Variants in MALRD1 observed in about 807,000 individuals in gnomAD.
MALRD1 encodes MAM and LDL receptor class A domain containing 1.
In MALRD1, 247 loss-of-function variants were observed where a neutral mutation model predicts 242.1. The ratio of observed to expected loss-of-function variants is 1.02; its 90% CI spans 0.92 to 1.13. The LOEUF (loss-of-function observed/expected upper bound fraction) is 1.13, where lower values mean the gene tolerates loss of function less well. MALRD1 is among the 50% of genes most tolerant of loss of function. The probability of loss-of-function intolerance (pLI) is 0.00; values close to 1 mark genes in which losing one functional copy is unlikely to be tolerated. For missense variants in MALRD1, 2,989 were observed against 2,533.1 expected (o/e 1.18, Z -3.86); for synonymous variants, 995 against 866.6 (o/e 1.15, Z -2.60).
chr10:19,508,686 T>C (rs1230760669), intron 31 of MALRD1, among the ~76,000 whole-genome samples: 1 of 152,182 alleles, frequency 6.6e-6, no homozygotes, highest in Non-Finnish European at 1.5e-5. Flanking sequence ...TATGTTGAAA[T>C]TATAACATTT....
chr10:19,380,399 A>G (rs1304539316), intron 26 of MALRD1, among the ~76,000 whole-genome samples: 1 of 151,034 alleles, frequency 6.6e-6, no homozygotes, highest in Non-Finnish European at 1.5e-5. Context: ...TCCAACACCT[A>G]TTGGCCCTAA....
chr10:19,163,137 TA>T lies in MALRD1; in HGVS notation c.1657-2472del, dbSNP rs58034381. Among the ~76,000 whole-genome samples, 332 of 43,790 alleles carry T rather than the reference TA, an allele frequency of 7.6e-3. 3 individuals are homozygous for T. The highest frequency in any genetic ancestry group is 0.019 in the African/African-American group (233 of 12,072). 28.7% of individuals were successfully genotyped at this position (43,790 alleles called of 152,430 possible). ...TGAACAACTGGAGTGAAACCCTGTC[TA>T]AAAAAAAAAAAAAAAAAAAAAAAAA... is the stretch of plus-strand genomic sequence containing the variant. On this transcript the variant is annotated intron_variant, in intron 12 of 39. Coordinates refer to ENST00000454679, the MANE Select transcript of MALRD1 (RefSeq NM_001142308.3).
chr10:19,346,307 C>G (rs114184316), intron 24 of MALRD1, among the ~76,000 whole-genome samples: 3,332 of 152,190 alleles, frequency 0.022, 98 homozygotes, highest in African/African-American at 0.067. Context: ...CAGGAATTAC[C>G]ATAGCATCTG....
intron 33 of MALRD1, among the ~76,000 whole-genome samples, chr10:19,570,037 A>G (rs1416771071): frequency 2.0e-5 from 3 of 151,978 alleles, no homozygotes; most frequent in East Asian, 3.9e-4. Context: ...TCACTAAAGT[A>G]TAAAGGTTCA....
At chr10:19,188,421 A>G (rs1360216063) in intron 14 of MALRD1, among the ~76,000 whole-genome samples, 5 of 152,224 alleles carry the variant, frequency 3.3e-5, no homozygotes, top group Non-Finnish European at 7.3e-5. Context: ...CTGTGATTGT[A>G]TATCTGAACA....
intron 32 of MALRD1, among the ~76,000 whole-genome samples, chr10:19,539,666 T>C (rs562556025): frequency 1.3e-5 from 2 of 152,004 alleles, no homozygotes; most frequent in East Asian, 3.9e-4. Flanking sequence ...CGCAATCCTT[T>C]TGTTCTGCTG....
At chr10:19,118,569 A>T (rs890964271) in intron 5 of MALRD1, among the ~76,000 whole-genome samples, 1 of 152,222 alleles carries the variant, frequency 6.6e-6, no homozygotes, top group Admixed American at 6.5e-5. Flanking sequence ...CCAAGGTTTT[A>T]TCATGTAGAT....
intron 19 of MALRD1, among the ~76,000 whole-genome samples, chr10:19,265,817 T>C (rs917949568): frequency 1.1e-4 from 16 of 152,134 alleles, no homozygotes; most frequent in African/African-American, 3.4e-4. Flanking sequence ...AAGTGGGATA[T>C]TGAAGTCCTT....
intron 5 of MALRD1, among the ~76,000 whole-genome samples, chr10:19,115,163 C>T (rs1836825980): frequency 1.3e-5 from 2 of 152,132 alleles, no homozygotes; most frequent in African/African-American, 4.8e-5. Flanking sequence ...CTAGCCAGTC[C>T]TAGGCTTGCT....
intron 20 of MALRD1, 84 bp downstream of exon 20, chr10:19,280,307 C>A: frequency 9.3e-7 from 1 of 1,080,462 alleles, no homozygotes; most frequent in South Asian, 2.3e-5. Flanking sequence ...AGCCTAGCAT[C>A]ATAGTTAGAT....
At chr10:19,655,333 A>G (rs1316214709) in intron 36 of MALRD1, among the ~76,000 whole-genome samples, 2 of 152,036 alleles carry the variant, frequency 1.3e-5, no homozygotes, top group African/African-American at 4.8e-5. Context: ...AATGACAGGA[A>G]GAGACAAGTA....
chr10:19,419,797 GAATA>G (rs1422493049), intron 28 of MALRD1, among the ~76,000 whole-genome samples: 4 of 152,066 alleles, frequency 2.6e-5, no homozygotes, highest in African/African-American at 9.7e-5. Context: ...CTGAACTCCT[GAATA>G]GTCGTCAACT....
chr10:19,363,505 TG>T (rs1844983736), intron 26 of MALRD1, among the ~76,000 whole-genome samples: 1 of 152,122 alleles, frequency 6.6e-6, no homozygotes, highest in Admixed American at 6.6e-5. Context: ...TGCAAGGCAG[TG>T]GTGAATTTTA....
intron 34 of MALRD1, among the ~76,000 whole-genome samples, chr10:19,597,797 C>T (rs141430215): frequency 2.0e-5 from 3 of 152,266 alleles, no homozygotes; most frequent in African/African-American, 7.2e-5. Context: ...AGGGAACTCT[C>T]TATGGTGCTA....
chr10:19,195,464 A>G (rs1478292459), intron 14 of MALRD1, among the ~76,000 whole-genome samples: 1 of 152,016 alleles, frequency 6.6e-6, no homozygotes, highest in African/African-American at 2.4e-5. Flanking sequence ...TCCCAAATTT[A>G]TATCTCTAGT....
chr10:19,365,055 A>G (rs1750440394), intron 26 of MALRD1, among the ~76,000 whole-genome samples: 1 of 152,202 alleles, frequency 6.6e-6, no homozygotes, highest in African/African-American at 2.4e-5. Flanking sequence ...AAAGAATGTC[A>G]TTTAAAATTT....
chr10:19,511,053 A>G lies in MALRD1; in HGVS notation c.5320+12407A>G, dbSNP rs147717969. On this transcript the variant is annotated intron_variant, in intron 31 of 39. Coordinates refer to ENST00000454679, the MANE Select transcript of MALRD1 (RefSeq NM_001142308.3). ...GTACTGGGCAGCCATAGCCTTTGCA[A>G]TATAGTCAGCTATATCAGTTAGTAT... Among the ~76,000 whole-genome samples, 369 of 152,328 alleles carry G rather than the reference A, an allele frequency of 2.4e-3. 7 individuals are homozygous for G. In the East Asian group the frequency reaches 0.05, roughly 21 times the overall value.
At chr10:19,700,831 T>G (rs1833589881) in intron 38 of MALRD1, among the ~76,000 whole-genome samples, 1 of 152,174 alleles carries the variant, frequency 6.6e-6, no homozygotes, top group Non-Finnish European at 1.5e-5. Flanking sequence ...AGGACCAAGA[T>G]AATGAAGTTC....
At chr10:19,097,936 C>A (rs1297881510) in intron 4 of MALRD1, among the ~76,000 whole-genome samples, 1 of 152,070 alleles carries the variant, frequency 6.6e-6, no homozygotes, top group Non-Finnish European at 1.5e-5. Context: ...ATGTATTGTA[C>A]CTAGGGTGGA....
Sources: gnomAD v4.1 joint callset for allele counts (sites outside exome capture counted in the v4.1 genomes callset) on GRCh38, gnomAD v4.1.1 for gene constraint, MANE v1.5 for transcripts, NCBI Gene and HGNC (gene_info 2026-07-23, HGNC 2026-07-21) for gene names.